Variants in SVIL observed in about 807,000 individuals in gnomAD.
SVIL encodes the protein archvillin.
A neutral mutation model predicts 240.4 loss-of-function variants in SVIL; 101 were observed. The observed-to-expected ratio is 0.42, with a 90% CI of 0.36 to 0.50. SVIL has a LOEUF of 0.50. SVIL is among the 20% of genes least tolerant of loss of function. The probability of loss-of-function intolerance (pLI) is 0.01; values close to 1 mark genes in which losing one functional copy is unlikely to be tolerated. For missense variants in SVIL, 2,512 were observed against 2,818.7 expected, an observed-to-expected ratio of 0.89 and a Z score of 2.46; for synonymous variants, 999 against 1,100.0, an observed-to-expected ratio of 0.91 and a Z score of 1.82.
chr10:29,708,723 G>C (rs1051399777), intron 1 of SVIL, among the ~76,000 whole-genome samples: 2 of 152,138 alleles, frequency 1.3e-5, no homozygotes, highest in African/African-American at 2.4e-5. Context: ...GCTATAAAAA[G>C]TATACAGTGT....
At chr10:29,653,496 A>C (rs1958906963) in intron 3 of SVIL, among the ~76,000 whole-genome samples, 1 of 152,162 alleles carries the variant, frequency 6.6e-6, no homozygotes, top group East Asian at 1.9e-4. Flanking sequence ...GCAATGCGAG[A>C]ATGGACTAAT....
intron 3 of SVIL, among the ~76,000 whole-genome samples, chr10:29,555,374 T>C (rs1953826560): frequency 6.6e-6 from 1 of 151,788 alleles, no homozygotes; most frequent in African/African-American, 2.4e-5. Flanking sequence ...ATCATCCTCT[T>C]CTAAGGTCAA....
Position 29,536,077 on chromosome 10 carries a change from G to T in SVIL, c.828-8C>A. The T allele has an allele frequency of 6.2e-7, 1 of 1,613,894 alleles. No individual in the cohort carries two copies. Among genetic ancestry groups the T allele is most frequent in the Non-Finnish European group, 8.5e-7 (1 of 1,179,852 alleles). The stretch of plus-strand genomic sequence containing the variant: ...TGTTTGGGTTTCCCTGTACTATTGT[G>T]TACAAAAAACAAAACCAGATAATCT... On this transcript the variant is annotated splice_region_variant and splice_polypyrimidine_tract_variant and intron_variant, in intron 6 of 37. Coordinates refer to ENST00000355867, the MANE Select transcript of SVIL (RefSeq NM_021738.3).
chr10:29,703,167 A>C (rs2132649115), intron 1 of SVIL, among the ~76,000 whole-genome samples: 1 of 152,294 alleles, frequency 6.6e-6, no homozygotes, highest in African/African-American at 2.4e-5. Flanking sequence ...CTAACCTTGA[A>C]ACAGATGCAG....
chr10:29,665,825 A>G (rs1959239573), intron 2 of SVIL, among the ~76,000 whole-genome samples: 2 of 148,410 alleles, frequency 1.3e-5, no homozygotes, highest in Admixed American at 6.7e-5. Context: ...CAAACAAACA[A>G]AAAACCCTAC....
chr10:29,615,297 T>C (rs1034068871), intron 1 of SVIL, among the ~76,000 whole-genome samples: 3 of 152,234 alleles, frequency 2.0e-5, no homozygotes, highest in African/African-American at 7.2e-5. Flanking sequence ...TCTTAGCCTT[T>C]TAAAATGATC....
Position 29,695,838 on chromosome 10 carries a change from C to T in SVIL, c.-399-9187G>A, listed in dbSNP as rs1227975900. Among the ~76,000 whole-genome samples, 37 of 107,052 alleles carry T rather than the reference C, an allele frequency of 3.5e-4. No individual in the cohort carries two copies. In the East Asian group the frequency reaches 9.2e-3, roughly 26 times the overall value. 70.2% of individuals were successfully genotyped at this position (107,052 alleles called of 152,430 possible). ...CTCTCCCGTCTCCCTCTCCCTCTCC[C>T]GTCTCCCTCTCCCTCTCCCTCTCCC... On this transcript the variant is annotated intron_variant, in intron 1 of 35. Coordinates refer to the SVIL transcript ENST00000375400.
chr10:29,490,642 G>A (rs1947867372), intron 22 of SVIL, among the ~76,000 whole-genome samples: 1 of 151,374 alleles, frequency 6.6e-6, no homozygotes, highest in Non-Finnish European at 1.5e-5. Flanking sequence ...AACTGAACAG[G>A]TGATACACAC....
intron 22 of SVIL, among the ~76,000 whole-genome samples, chr10:29,489,111 T>C (rs1173263077): frequency 6.6e-6 from 1 of 152,218 alleles, no homozygotes; most frequent in Non-Finnish European, 1.5e-5. Context: ...CTTTTACATG[T>C]CCAAATGTAT....
rs757876848 is a variant in SVIL at position 29,484,608 on chromosome 10, G to A, written c.4955+48C>T. ...CTGTGGTGAGAACAGAGGGATCGAAGGGAATCAGCTCGCTTGAAGAGCTGT... is the reference window on the plus strand; with the variant it reads ...CTGTGGTGAGAACAGAGGGATCGAAAGGAATCAGCTCGCTTGAAGAGCTGT... On this transcript the variant is annotated intron_variant, in intron 27 of 37. Transcript: ENST00000355867. The surrounding 1 kb of genome is among the most constrained non-coding windows in gnomAD (Gnocchi z 4.7). 1.3e-5 allele frequency: 20 copies of A among 1,561,264 alleles called. No individual in the cohort carries two copies. The highest frequency in any genetic ancestry group is 1.4e-5 in the African/African-American group (1 of 73,472).
Position 29,523,631 on chromosome 10 carries a change from C to T in SVIL, c.2983G>A (p.Val995Ile). 4 of 1,614,152 alleles carry T rather than the reference C, an allele frequency of 2.5e-6. No homozygotes were observed. Among genetic ancestry groups the T allele is most frequent in the Non-Finnish European group, 3.4e-6 (4 of 1,180,014 alleles). ...CGTTCCAGGCTTCCTCTTCTGGGAA[C>T]AGCATATTTAGATTCCTTATGGCTG... ...GDSHKESKYA[V>I]PRRGSLERAN... The change falls in exon 15 of 38, where the codon GTT becomes ATT. Residue 995 changes from valine to isoleucine, a missense_variant. Val to Ile is a conservative substitution (Grantham distance 29, BLOSUM62 3). Transcript: ENST00000355867.
chr10:29,599,179 C>A (rs1277614975), intron 1 of SVIL, among the ~76,000 whole-genome samples: 4 of 152,306 alleles, frequency 2.6e-5, no homozygotes, highest in African/African-American at 9.6e-5. Context: ...GCAGGACTAT[C>A]TCATCCCTGC....
intron 1 of SVIL, among the ~76,000 whole-genome samples, chr10:29,579,017 G>A (rs1589309591): frequency 6.6e-6 from 1 of 152,204 alleles, no homozygotes; most frequent in African/African-American, 2.4e-5. Context: ...GGGGAAACTG[G>A]AAGTATCTTA....
intron 3 of SVIL, among the ~76,000 whole-genome samples, chr10:29,656,814 T>G (rs1959021037): frequency 6.6e-6 from 1 of 152,204 alleles, no homozygotes; most frequent in Non-Finnish European, 1.5e-5. Flanking sequence ...CAACACTTGT[T>G]GTCTCAGGCA....
chr10:29,589,032 C>T (rs1238435975), intron 1 of SVIL, among the ~76,000 whole-genome samples: 3 of 152,148 alleles, frequency 2.0e-5, no homozygotes, highest in Non-Finnish European at 4.4e-5. Flanking sequence ...CAGGAGCATC[C>T]TGAATGTTGG....
At chr10:29,637,927 G>T (rs1958364300), upstream of SVIL, among the ~76,000 whole-genome samples, 1 of 152,176 alleles carries the variant, frequency 6.6e-6, no homozygotes, top group African/African-American at 2.4e-5. Flanking sequence ...TTATAGAAAT[G>T]GAGAAGAGAT....
chr10:29,509,733 G>A (rs1444312629), intron 17 of SVIL, among the ~76,000 whole-genome samples: 3 of 152,084 alleles, frequency 2.0e-5, no homozygotes, highest in South Asian at 4.2e-4. Flanking sequence ...GCCTGTAATC[G>A]CAGCTACTCG....
chr10:29,677,725 T>C (rs1261812518), intron 2 of SVIL, among the ~76,000 whole-genome samples: 1 of 152,172 alleles, frequency 6.6e-6, no homozygotes, highest in Non-Finnish European at 1.5e-5. Context: ...CCAGCGAGGA[T>C]ACATTTTCAT....
At chr10:29,525,949 G>T (rs375095728) in intron 13 of SVIL, among the ~76,000 whole-genome samples, 1 of 152,186 alleles carries the variant, frequency 6.6e-6, no homozygotes, top group Non-Finnish European at 1.5e-5. Context: ...CCACTTCTCC[G>T]GGAGGGCCCT....
Sources: allele counts gnomAD v4.1 joint callset (sites outside exome capture counted in the v4.1 genomes callset), GRCh38; gene constraint gnomAD v4.1.1; non-coding constraint Gnocchi (gnomAD v3.1); transcripts MANE v1.5; gene names NCBI Gene and HGNC (gene_info 2026-07-23, HGNC 2026-07-21).